The following ZMYND11 variants were observed in gnomAD, a reference collection of about 807,000 sequenced individuals.
ZMYND11 encodes zinc finger MYND-type containing 11, also known as zinc finger MYND domain-containing protein 11.
In ZMYND11, 9 loss-of-function variants were observed where a neutral mutation model predicts 84.9. The observed-to-expected ratio is 0.11, with a 90% CI of 0.06 to 0.18. ZMYND11 has a LOEUF of 0.18. ZMYND11 is among the 10% of genes least tolerant of loss of function. The pLI, the probability that ZMYND11 is intolerant of heterozygous loss-of-function variation, is 1.00. For missense variants in ZMYND11, 409 were observed against 761.0 expected (o/e 0.54, Z 5.44); for synonymous variants, 250 against 244.1 (o/e 1.02, Z -0.23).
At chr10:135,134 G>C (rs1340313377), upstream of ZMYND11, 1 of 150,202 alleles carries the variant, frequency 6.7e-6, no homozygotes, top group Non-Finnish European at 1.5e-5. This position sits in a 1 kb window ranked among gnomAD's most constrained non-coding sequence, Gnocchi z 5.6. Context: ...CAACTTTCCC[G>C]GGCGGCGGCG....
chr10:185,072 A>T (rs2130797362), intron 2 of ZMYND11, among the ~76,000 whole-genome samples: 1 of 152,250 alleles, frequency 6.6e-6, no homozygotes, highest in South Asian at 2.1e-4. Context: ...CTAGCTCCTT[A>T]AGAATTTACC....
At chr10:175,431 G>A (rs1335668718) in intron 1 of ZMYND11, among the ~76,000 whole-genome samples, 1 of 152,130 alleles carries the variant, frequency 6.6e-6, no homozygotes. Context: ...ACCCAGCTGT[G>A]GTGGCGCACG....
At chr10:220,790 T>C (rs1009014882) in intron 3 of ZMYND11, among the ~76,000 whole-genome samples, 3 of 150,872 alleles carry the variant, frequency 2.0e-5, no homozygotes, top group East Asian at 1.9e-4. Context: ...AGGACTGTTA[T>C]ATATATATAT....
At chr10:192,679 C>T (rs1247015864) in intron 2 of ZMYND11, among the ~76,000 whole-genome samples, 2 of 152,216 alleles carry the variant, frequency 1.3e-5, no homozygotes, top group East Asian at 1.9e-4. Flanking sequence ...TGCTGGGTAG[C>T]GCTGTGCACA....
rs183243839 is a variant in ZMYND11, at chr10:241,572, C to A, written c.832-449C>A. Among the ~76,000 whole-genome samples the A allele has an allele frequency of 5.3e-5, 8 of 152,338 alleles. No individual in the cohort carries two copies. In the East Asian group the frequency reaches 1.4e-3, roughly 26 times the overall value. ...CTTTGTCTGTAGCTGTATAATTTCC[C>A]CAAAATAATACAGCTTCAAACCGTG... On this transcript the variant is annotated intron_variant, in intron 9 of 14. Coordinates refer to ENST00000381604, the MANE Select transcript of ZMYND11 (RefSeq NM_001370100.5).
chr10:189,374 T>C (rs1039990569), intron 2 of ZMYND11, among the ~76,000 whole-genome samples: 3 of 152,366 alleles, frequency 2.0e-5, no homozygotes, highest in Non-Finnish European at 1.5e-5. Context: ...ACTGGAATTA[T>C]TGGAGAGGAA....
At chr10:217,514 CAAA>C (rs80091968) in intron 3 of ZMYND11, among the ~76,000 whole-genome samples, 3 of 79,948 alleles carry the variant, frequency 3.8e-5, no homozygotes, top group Admixed American at 1.3e-4. Flanking sequence ...ATTCTGTCTC[CAAA>C]AAAAAAAAAA....
In ZMYND11 at chr10:245,166, T is replaced by C. The variant is rs542408684; in HGVS notation, c.951-1600T>C. 7.2e-5 allele frequency among the ~76,000 whole-genome samples: 11 copies of C among 152,360 alleles called. No homozygotes were observed. The South Asian group carries it at 1.7e-3, about 23-fold the overall frequency. On this transcript the variant is annotated intron_variant, in intron 10 of 14. Transcript: ENST00000381604. ...TTTCAAAGTTCAGTTTACTTTGATA[T>C]GGTTTTTAACAAAGTACTTATGCCA...
intron 1 of ZMYND11, among the ~76,000 whole-genome samples, chr10:149,058 T>G (rs1839619084): frequency 6.6e-6 from 1 of 152,074 alleles, no homozygotes; most frequent in Non-Finnish European, 1.5e-5. Context: ...ATGGTTACCC[T>G]AAACATTGTA....
At chr10:152,318 C>T (rs2131339660) in intron 1 of ZMYND11, among the ~76,000 whole-genome samples, 1 of 152,176 alleles carries the variant, frequency 6.6e-6, no homozygotes, top group Admixed American at 6.5e-5. Context: ...ATTCAGGAGA[C>T]CCATCTCATG....
At chr10:232,860 G>T (rs1949240096) in intron 4 of ZMYND11, among the ~76,000 whole-genome samples, 1 of 152,172 alleles carries the variant, frequency 6.6e-6, no homozygotes, top group South Asian at 2.1e-4. Context: ...ATAAATGAGA[G>T]AAGTATTCCT....
chr10:186,642 C>CAAAAAAAAAAAAAAA (rs56345833), intron 2 of ZMYND11, among the ~76,000 whole-genome samples: 4 of 95,156 alleles, frequency 4.2e-5, no homozygotes, highest in African/African-American at 1.6e-4. Context: ...AGGACTCTCT[C>CAAAAAAAAAAAAAAA]AAAAAAAAAA....
chr10:173,054 A>C (rs545884319), intron 1 of ZMYND11, among the ~76,000 whole-genome samples: 93 of 152,268 alleles, frequency 6.1e-4, no homozygotes, highest in African/African-American at 2.2e-3. Context: ...AAAAAGAAGA[A>C]TCATCTAGGC....
chr10:137,751 A>G (rs1283537213), intron 1 of ZMYND11, among the ~76,000 whole-genome samples: 1 of 152,200 alleles, frequency 6.6e-6, no homozygotes, highest in Non-Finnish European at 1.5e-5. Flanking sequence ...TAACTGGCAC[A>G]GGTTACATTA....
chr10:144,203 G>T (rs142199017), intron 1 of ZMYND11, among the ~76,000 whole-genome samples: 2 of 152,188 alleles, frequency 1.3e-5, no homozygotes, highest in African/African-American at 4.8e-5. Context: ...AGTAGTATTT[G>T]TACCTCATTT....
intron 2 of ZMYND11, among the ~76,000 whole-genome samples, chr10:206,030 T>G (rs1944089205): frequency 6.6e-6 from 1 of 151,066 alleles, no homozygotes; most frequent in East Asian, 1.9e-4. Flanking sequence ...TTTTTTTTTT[T>G]GTTTCAGAAT....
At chr10:198,399 A>G (rs1413006668) in intron 2 of ZMYND11, among the ~76,000 whole-genome samples, 1 of 152,306 alleles carries the variant, frequency 6.6e-6, no homozygotes, top group Non-Finnish European at 1.5e-5. Flanking sequence ...AAAAAAAAGT[A>G]TAATACCTTT....
intron 11 of ZMYND11, 23 bp downstream of exon 11, chr10:246,996 G>C (rs1428208762): frequency 6.4e-7 from 1 of 1,571,086 alleles, no homozygotes. Flanking sequence ...CCGGAAGGAA[G>C]TGCCTATTCA....
At chr10:159,701 T>A (rs529991803) in intron 1 of ZMYND11, among the ~76,000 whole-genome samples, 1 of 152,236 alleles carries the variant, frequency 6.6e-6, no homozygotes, top group African/African-American at 2.4e-5. Context: ...TTGTCACTTA[T>A]ATTTTTACTT....
Sources: gnomAD v4.1 joint callset for allele counts (sites outside exome capture counted in the v4.1 genomes callset) on GRCh38, gnomAD v4.1.1 for gene constraint, Gnocchi (gnomAD v3.1) non-coding constraint, MANE v1.5 for transcripts, NCBI Gene and HGNC (gene_info 2026-07-23, HGNC 2026-07-21) for gene names.